The following XXYLT1 variants were observed in gnomAD, a reference collection of about 807,000 sequenced individuals.
The protein encoded by XXYLT1 is UDP-xylose:alpha-xyloside alpha-1,3-xylosyltransferase.
Under a neutral mutation model 28.9 loss-of-function variants are expected in XXYLT1, and 20 were observed. The ratio of observed to expected loss-of-function variants is 0.69; its 90% confidence interval spans 0.49 to 1.00. The LOEUF is 1.00. Among genes scored for constraint, XXYLT1 ranks in the 50% least tolerant of loss-of-function variants. XXYLT1 has a pLI of 0.00. For missense variants in XXYLT1, 542 were observed against 560.1 expected (o/e 0.97, Z 0.33); for synonymous variants, 257 against 253.8 (o/e 1.01, Z -0.12).
intron 2 of XXYLT1, among the ~76,000 whole-genome samples, chr3:195,178,758 A>T (rs1721797287): frequency 1.3e-5 from 2 of 152,172 alleles, no homozygotes; most frequent in South Asian, 4.1e-4. Flanking sequence ...AGAGCAGGGA[A>T]CCTAGAGATA....
In XXYLT1 at chr3:195,255,963, G is replaced by A. The variant is rs1300799182; in HGVS notation, c.504+14592C>T. On this transcript the variant is annotated intron_variant, in intron 1 of 3. Coordinates refer to ENST00000310380, the MANE Select transcript of XXYLT1 (RefSeq NM_152531.5). This position sits in a 1 kb window ranked among gnomAD's most constrained non-coding sequence, Gnocchi z 4.5. ...ATGGGCAGCTCCTGGAGGAGGGAGGGAAGGTCCACCCCGGGCAGCCCTGGG... is the reference window on the plus strand; with the variant it reads ...ATGGGCAGCTCCTGGAGGAGGGAGGAAAGGTCCACCCCGGGCAGCCCTGGG... 6.6e-6 allele frequency among the ~76,000 whole-genome samples: 1 copy of A among 152,138 alleles called. No homozygotes were observed. The highest frequency in any genetic ancestry group is 2.4e-5 in the African/African-American group (1 of 41,416).
intron 3 of XXYLT1, among the ~76,000 whole-genome samples, chr3:195,070,531 C>G: frequency 6.6e-6 from 1 of 152,174 alleles, no homozygotes; most frequent in Non-Finnish European, 1.5e-5. Context: ...GGACTAAACC[C>G]AGACAATCTG....
chr3:195,194,857 G>T (rs1411777837), intron 2 of XXYLT1, among the ~76,000 whole-genome samples: 1 of 152,144 alleles, frequency 6.6e-6, no homozygotes, highest in Non-Finnish European at 1.5e-5. Flanking sequence ...ACCAGAAAGG[G>T]CAAATTTAGA....
chr3:195,107,870 C>T lies in XXYLT1; in HGVS notation c.786-37759G>A, dbSNP rs181309512. On this transcript the variant is annotated intron_variant, in intron 3 of 3. Transcript: ENST00000310380. ...GAAAATGGAGACTCCCACGTGGAGG[C>T]ATCACCCGCCCAGGCCTCCGCACAG... Among the ~76,000 whole-genome samples, 245 of 151,390 alleles carry T rather than the reference C, an allele frequency of 1.6e-3. 3 individuals are homozygous for T. Among genetic ancestry groups the T allele is most frequent in the African/African-American group, 3.8e-3 (156 of 40,720 alleles).
At chr3:195,254,053 G>T (rs1431294082) in intron 1 of XXYLT1, among the ~76,000 whole-genome samples, 2 of 152,154 alleles carry the variant, frequency 1.3e-5, no homozygotes, top group East Asian at 3.9e-4. Context: ...CACTGGGGTG[G>T]GGAGATTTCC....
intron 2 of XXYLT1, among the ~76,000 whole-genome samples, chr3:195,221,624 A>G (rs937466580): frequency 1.6e-4 from 24 of 152,230 alleles, no homozygotes; most frequent in African/African-American, 5.8e-4. Context: ...GCGCCCTAGC[A>G]CAGCCCATAC....
chr3:195,239,430 CCACCT>C (rs1284887850), intron 1 of XXYLT1, among the ~76,000 whole-genome samples: 4 of 152,100 alleles, frequency 2.6e-5, no homozygotes, highest in African/African-American at 9.7e-5. Context: ...TTCAAGTCCC[CCACCT>C]CGAGAGCTGC....
At chr3:195,085,426 A>G (rs1271609206) in intron 3 of XXYLT1, among the ~76,000 whole-genome samples, 1 of 152,318 alleles carries the variant, frequency 6.6e-6, no homozygotes, top group East Asian at 1.9e-4. Context: ...CCACTCTCCC[A>G]TCCCTGGTTC....
At chr3:195,136,292 T>C (rs554778583) in intron 3 of XXYLT1, among the ~76,000 whole-genome samples, 1 of 152,240 alleles carries the variant, frequency 6.6e-6, no homozygotes, top group East Asian at 1.9e-4. Flanking sequence ...GAAAAGACTA[T>C]CTTTAACATA....
chr3:195,216,734 C>T (rs1244732091), intron 2 of XXYLT1, among the ~76,000 whole-genome samples: 1 of 149,978 alleles, frequency 6.7e-6, no homozygotes, highest in East Asian at 2.0e-4. Flanking sequence ...ACCAGAGGTA[C>T]AAGGAGGAAC....
chr3:195,112,685 A>G (rs1389431814), intron 3 of XXYLT1, among the ~76,000 whole-genome samples: 2 of 148,962 alleles, frequency 1.3e-5, no homozygotes, highest in Non-Finnish European at 3.0e-5. Flanking sequence ...AGTTGGATGA[A>G]GCAGTGCACA....
chr3:195,112,316 C>T (rs1468587506), intron 3 of XXYLT1, among the ~76,000 whole-genome samples: 5 of 152,178 alleles, frequency 3.3e-5, no homozygotes, highest in African/African-American at 1.2e-4. Flanking sequence ...CCCAGAAGAT[C>T]TGTCCACACT....
At chr3:195,177,930 G>C (rs373922126) in intron 2 of XXYLT1, among the ~76,000 whole-genome samples, 1 of 126,158 alleles carries the variant, frequency 7.9e-6, no homozygotes, top group Admixed American at 8.3e-5. Context: ...GCAAGGCTCT[G>C]TCTCTTAAAA....
intron 3 of XXYLT1, among the ~76,000 whole-genome samples, chr3:195,083,803 A>C (rs1393532199): frequency 6.6e-6 from 1 of 152,196 alleles, no homozygotes; most frequent in Non-Finnish European, 1.5e-5. Flanking sequence ...AGGAAAGCAG[A>C]TCACTTGCAG....
At position 195,070,163 on chromosome 3, in the gene XXYLT1, C is replaced by T. The variant is rs377576824; in HGVS notation, c.786-52G>A. ...CCGGTGTGCAGGGGAACCAGCCTGC[C>T]GGCCTGCTGCCCTGGGTCTTCACAG... On this transcript the variant is annotated intron_variant, in intron 3 of 3. Transcript: ENST00000310380. 6.5e-5 allele frequency: 98 copies of T among 1,499,564 alleles called. No individual in the cohort carries two copies. In the African/African-American group the frequency reaches 1.1e-3, roughly 17 times the overall value. 92.9% of individuals were successfully genotyped at this position (1,499,564 alleles called of 1,614,324 possible).
chr3:195,199,674 G>C, intron 2 of XXYLT1, among the ~76,000 whole-genome samples: 1 of 152,106 alleles, frequency 6.6e-6, no homozygotes, highest in African/African-American at 2.4e-5. Context: ...AGTCTCATAG[G>C]GGTTATCATC....
chr3:195,114,218 G>C (rs552565329), intron 3 of XXYLT1, among the ~76,000 whole-genome samples: 64 of 152,334 alleles, frequency 4.2e-4, no homozygotes, highest in African/African-American at 1.4e-3. Flanking sequence ...TCCAGGGAAA[G>C]CTGCATTGGG....
At chr3:195,101,068 C>T (rs527276562) in intron 3 of XXYLT1, among the ~76,000 whole-genome samples, 19 of 152,396 alleles carry the variant, frequency 1.2e-4, no homozygotes, top group African/African-American at 3.1e-4. Flanking sequence ...GGGCTTCTGG[C>T]GCAATCCCAG....
intron 2 of XXYLT1, among the ~76,000 whole-genome samples, chr3:195,215,720 A>G (rs1458205493): frequency 2.0e-5 from 3 of 151,900 alleles, no homozygotes; most frequent in African/African-American, 7.3e-5. Context: ...AACATTAATA[A>G]TGGGAGACTT....
Sources: gnomAD v4.1 joint callset for allele counts (sites outside exome capture counted in the v4.1 genomes callset) on GRCh38, gnomAD v4.1.1 for gene constraint, Gnocchi (gnomAD v3.1) non-coding constraint, MANE v1.5 for transcripts, NCBI Gene and HGNC (gene_info 2026-07-23, HGNC 2026-07-21) for gene names.